Variants in SBF2 observed in about 807,000 individuals in gnomAD.
SBF2 encodes the protein myotubularin-related protein 13.
In SBF2, 112 loss-of-function variants were observed where a neutral mutation model predicts 225.2. The observed-to-expected ratio is 0.50, with a 90% CI of 0.43 to 0.58. The LOEUF (loss-of-function observed/expected upper bound fraction) is 0.58. SBF2 is among the 20% of genes least tolerant of loss of function. The pLI is 0.00. For missense variants in SBF2, 1,996 were observed against 2,206.2 expected (o/e 0.90, Z 1.91); for synonymous variants, 763 against 773.3 (o/e 0.99, Z 0.22).
chr11:9,976,776 T>C (rs747110183), intron 13 of SBF2, among the ~76,000 whole-genome samples: 3 of 149,840 alleles, frequency 2.0e-5, no homozygotes, highest in Non-Finnish European at 4.4e-5. Flanking sequence ...TGTTGTTTTT[T>C]GTTTTTTTTT....
intron 7 of SBF2, 143 bp from the exon 8 acceptor site, chr11:10,001,165 T>C (rs770385140): frequency 3.6e-5 from 22 of 605,774 alleles, no homozygotes; most frequent in Non-Finnish European, 6.0e-5. Flanking sequence ...TACTAAAATT[T>C]TGGAAAAAAT....
chr11:10,127,469 A>C (rs905259405), intron 2 of SBF2, among the ~76,000 whole-genome samples: 4 of 152,056 alleles, frequency 2.6e-5, no homozygotes, highest in Non-Finnish European at 5.9e-5. Context: ...TCTCATCAAC[A>C]TCCCTCCATT....
At chr11:10,100,734 T>A (rs1284205117) in intron 2 of SBF2, among the ~76,000 whole-genome samples, 1 of 152,070 alleles carries the variant, frequency 6.6e-6, no homozygotes, top group African/African-American at 2.4e-5. Flanking sequence ...TGTAGCCCCA[T>A]GGTGGAGTAT....
intron 2 of SBF2, among the ~76,000 whole-genome samples, chr11:10,080,603 A>T (rs559865539): frequency 2.0e-5 from 3 of 152,200 alleles, no homozygotes; most frequent in South Asian, 4.1e-4. Context: ...AGAAACAAAA[A>T]CCTTACATAT....
chr11:10,014,515 A>G (rs957952073), intron 6 of SBF2, among the ~76,000 whole-genome samples: 1 of 149,776 alleles, frequency 6.7e-6, no homozygotes, highest in Non-Finnish European at 1.5e-5. Flanking sequence ...TAAAAAAAAA[A>G]AAAAAAAAAA....
Position 9,779,993 on chromosome 11 carries a change from A to G in SBF2, c.*425T>C. 2 of 268,796 alleles carry G rather than the reference A, an allele frequency of 7.4e-6. No individual in the cohort carries two copies. Among genetic ancestry groups the G allele is most frequent in the Non-Finnish European group, 1.5e-5 (2 of 135,670 alleles). 16.7% of individuals were successfully genotyped at this position (268,796 alleles called of 1,614,324 possible). A position where few individuals can be genotyped will look rare whatever the true frequency, so the allele number is the denominator to read the frequency against. On this transcript the variant is annotated 3_prime_UTR_variant, in exon 40 of 40. Transcript: ENST00000256190. The stretch of plus-strand genomic sequence containing the variant: ...TCATAGGAAACCTAGTCCAGGTAGA[A>G]TATGAGACAATCTTGGAGGGTTTTG...
chr11:10,243,269 C>T (rs1959412978), intron 1 of SBF2, among the ~76,000 whole-genome samples: 1 of 151,648 alleles, frequency 6.6e-6, no homozygotes, highest in African/African-American at 2.4e-5. Context: ...TAGAAAATAT[C>T]TTGAGACAAA....
At chr11:10,150,352 A>C (rs1342642628) in intron 2 of SBF2, among the ~76,000 whole-genome samples, 1 of 152,222 alleles carries the variant, frequency 6.6e-6, no homozygotes, top group Non-Finnish European at 1.5e-5. Context: ...GATAAAATTT[A>C]TGACAGAAAA....
At chr11:9,797,315 C>A (rs1293495679) in intron 32 of SBF2, among the ~76,000 whole-genome samples, 1 of 152,170 alleles carries the variant, frequency 6.6e-6, no homozygotes, top group Admixed American at 6.5e-5. Context: ...TTTCTGTGAT[C>A]ATTAAAGGGT....
At chr11:10,101,314 G>A (rs924733787) in intron 2 of SBF2, among the ~76,000 whole-genome samples, 1 of 152,190 alleles carries the variant, frequency 6.6e-6, no homozygotes, top group African/African-American at 2.4e-5. Flanking sequence ...AGCCTTGCCA[G>A]TTTAATACTG....
chr11:9,824,052 G>A lies in SBF2; in HGVS notation c.3793+5304C>T, dbSNP rs77361211. Among the ~76,000 whole-genome samples the A allele has an allele frequency of 8.6e-3, 1,315 of 152,342 alleles. 17 individuals are homozygous for A. The highest frequency in any genetic ancestry group is 0.03 in the African/African-American group (1,244 of 41,572). On this transcript the variant is annotated intron_variant, in intron 28 of 39. Transcript: ENST00000256190. ...TCAGCAGAAAGTATTTGAGAAGGGTGTCAGAAATAATATTTATAGCCTCAG... is the reference window on the plus strand; with the variant it reads ...TCAGCAGAAAGTATTTGAGAAGGGTATCAGAAATAATATTTATAGCCTCAG...
At chr11:9,947,327 T>C (rs571804704) in intron 16 of SBF2, among the ~76,000 whole-genome samples, 138 of 152,240 alleles carry the variant, frequency 9.1e-4, no homozygotes, top group Non-Finnish European at 3.4e-4. Context: ...AACAGAAAAA[T>C]GTCTATGACC....
At chr11:10,283,891 A>G (rs1963575532) in intron 1 of SBF2, among the ~76,000 whole-genome samples, 1 of 152,222 alleles carries the variant, frequency 6.6e-6, no homozygotes, top group Non-Finnish European at 1.5e-5. Context: ...GCATAACAGC[A>G]CTATAAGAAC....
At chr11:10,062,654 A>C (rs971425014) in intron 2 of SBF2, among the ~76,000 whole-genome samples, 1 of 152,242 alleles carries the variant, frequency 6.6e-6, no homozygotes, top group Admixed American at 6.5e-5. Flanking sequence ...ATTTCACACC[A>C]GTCAGAACGG....
At chr11:10,233,010 T>C (rs4612801) in intron 1 of SBF2, among the ~76,000 whole-genome samples, 60,848 of 152,062 alleles carry the variant, frequency 0.4, 13,235 homozygotes, top group Non-Finnish European at 0.49. Context: ...CCAGAGGTCA[T>C]GAATCCAGTC....
At chr11:10,009,624 G>A (rs1397014850) in intron 6 of SBF2, among the ~76,000 whole-genome samples, 1 of 152,190 alleles carries the variant, frequency 6.6e-6, no homozygotes, top group East Asian at 1.9e-4. Flanking sequence ...ATTCCATGGT[G>A]TATATGTGCC....
At chr11:10,097,179 T>C (rs1229181830) in intron 2 of SBF2, among the ~76,000 whole-genome samples, 1 of 152,244 alleles carries the variant, frequency 6.6e-6, no homozygotes, top group African/African-American at 2.4e-5. Flanking sequence ...TCCGTCACTT[T>C]CGCCATTTGA....
rs192702856 is a variant in SBF2, at chr11:9,779,475, G to C, written c.*943C>G. 3.4e-4 allele frequency: 52 copies of C among 152,758 alleles called. No homozygotes were observed. Among genetic ancestry groups the C allele is most frequent in the African/African-American group, 1.2e-3 (49 of 41,572 alleles). The allele number at this position is 152,758 out of a possible 1,614,324, so 9.5% of individuals were successfully genotyped here. On this transcript the variant is annotated 3_prime_UTR_variant, in exon 40 of 40. Transcript: ENST00000256190. The stretch of plus-strand genomic sequence containing the variant: ...AGACAGTTCTTACTTTTCATGTGTA[G>C]AAGTGTAGTTTGGGTATCCAGTCAT...
At chr11:9,999,017 T>C (rs990490781) in intron 8 of SBF2, among the ~76,000 whole-genome samples, 1 of 152,198 alleles carries the variant, frequency 6.6e-6, no homozygotes, top group African/African-American at 2.4e-5. Flanking sequence ...ACAATTAGTA[T>C]ACATCAAAAG....
Sources: allele counts gnomAD v4.1 joint callset (sites outside exome capture counted in the v4.1 genomes callset), GRCh38; gene constraint gnomAD v4.1.1; transcripts MANE v1.5; gene names NCBI Gene and HGNC (gene_info 2026-07-23, HGNC 2026-07-21).